The following CHD3 variants were observed in gnomAD, a reference collection of about 807,000 sequenced individuals.
CHD3 encodes the protein chromodomain helicase DNA binding protein 3, also known as ATP-dependent chromatin remodeler CHD3.
A neutral mutation model predicts 248.9 loss-of-function variants in CHD3; 52 were observed. That is an observed-to-expected ratio of 0.21 (90% confidence interval 0.17 to 0.26). The LOEUF is 0.26. Among genes scored for constraint, CHD3 ranks in the 10% least tolerant of loss-of-function variants. The pLI, the probability that CHD3 is intolerant of heterozygous loss-of-function variation, is 1.00. For synonymous variants in CHD3, 985 were observed against 985.2 expected (o/e 1.00, Z 0.00); for missense variants, 1,482 against 2,605.8 (o/e 0.57, Z 9.39).
At position 7,907,822 on chromosome 17, in the gene CHD3, T is replaced by G. The variant is rs1250740697; in HGVS notation, c.5027-72T>G. On this transcript the variant is annotated intron_variant, in intron 33 of 39. Coordinates refer to ENST00000330494, the MANE Select transcript of CHD3 (RefSeq NM_001005273.3). The surrounding 1 kb of genome is among the most constrained non-coding windows in gnomAD (Gnocchi z 4.3). ...TGTTTGAAAGGCCAGTACAGTACAG[T>G]ACAGATAGTAGTCTTGGGACCTGGG... 5 of 1,563,050 alleles carry G rather than the reference T, an allele frequency of 3.2e-6. No individual in the cohort carries two copies. The African/African-American group carries it at 4.1e-5, about 13-fold the overall frequency.
In CHD3 at chr17:7,906,904, A is replaced by G; in HGVS notation, c.4539A>G (p.Ser1513=). Reference sequence around the variant, plus strand: ...TTGAGCACATCAATGGGCGTTGGTCAATGCCGGAACTGATGCCTGACCCCA... The same window carrying G: ...TTGAGCACATCAATGGGCGTTGGTCGATGCCGGAACTGATGCCTGACCCCA... ...QEFEHINGRW[S]MPELMPDPSA... Residue 1513 remains serine, a synonymous_variant, in exon 30 of 40, where the codon TCA becomes TCG. Coordinates refer to ENST00000330494, the MANE Select transcript of CHD3 (RefSeq NM_001005273.3). This position sits in a 1 kb window ranked among gnomAD's most constrained non-coding sequence, Gnocchi z 5.0. 1 of 1,614,090 alleles carries G rather than the reference A, an allele frequency of 6.2e-7. No individual in the cohort carries two copies.
Position 7,893,456 on chromosome 17 carries a change from C to T in CHD3, c.680C>T (p.Ala227Val), listed in dbSNP as rs1969167624. The change falls in exon 5 of 40, where the codon GCT becomes GTT. Residue 227 changes from alanine (A) to valine (V), a missense_variant. Coordinates refer to ENST00000330494, the MANE Select transcript of CHD3 (RefSeq NM_001005273.3). The stretch of plus-strand genomic sequence containing the variant: ...GCTGTAGCTGAGCAGGTGTCAGCTG[C>T]TGTCTCGTCGGCCACCCCCATAGCA... ...AAAVAEQVSA[A>V]VSSATPIAPS... 1.9e-6 allele frequency: 3 copies of T among 1,611,350 alleles called. No individual in the cohort carries two copies.
chr17:7,887,944 C>T (rs1397461585), upstream of CHD3, among the ~76,000 whole-genome samples: 1 of 152,242 alleles, frequency 6.6e-6, no homozygotes, highest in Admixed American at 6.5e-5. Context: ...GGGAACCTCC[C>T]GCTGGGGTGG....
intron 20 of CHD3, among the ~76,000 whole-genome samples, chr17:7,902,248 C>A (rs1014960991): frequency 1.3e-5 from 2 of 151,702 alleles, no homozygotes; most frequent in African/African-American, 2.4e-5. Flanking sequence ...ATGGTGAAAC[C>A]CTGTCTCTAC....
Position 7,904,335 on chromosome 17 carries a change from G to T in CHD3, c.3895-107G>T. 2.9e-6 allele frequency: 3 copies of T among 1,033,514 alleles called. No homozygotes were observed. The highest frequency in any genetic ancestry group is 4.3e-6 in the Non-Finnish European group (3 of 690,122). The allele number at this position is 1,033,514 out of a possible 1,614,324, so 64.0% of individuals were successfully genotyped here. A position where few individuals can be genotyped will look rare whatever the true frequency, so the allele number is the denominator to read the frequency against. ...TATGCAGAGCCACGAAGCTGCAGGA[G>T]TGGGGAGACCGGATTGGGCTGACGC... On this transcript the variant is annotated intron_variant, in intron 24 of 39. Coordinates refer to ENST00000330494, the MANE Select transcript of CHD3 (RefSeq NM_001005273.3). The surrounding 1 kb of genome is among the most constrained non-coding windows in gnomAD (Gnocchi z 4.4).
Position 7,906,530 on chromosome 17 carries a change from C to T in CHD3, c.4359-23C>T. 1.2e-6 allele frequency: 2 copies of T among 1,613,364 alleles called. No individual in the cohort carries two copies. The highest frequency in any genetic ancestry group is 1.7e-4 in the Middle Eastern group (1 of 5,730). ...CCCCTTCTGTGGCTCCCCTAACCCT[C>T]CTCCCACTCCCATGCTCCTTAGGGC... On this transcript the variant is annotated intron_variant, in intron 28 of 39. Transcript: ENST00000330494. The surrounding 1 kb of genome is among the most constrained non-coding windows in gnomAD (Gnocchi z 5.0).
chr17:7,894,011 T>G (rs1033780112), intron 6 of CHD3, 76 bp downstream of exon 6: 1 of 1,575,874 alleles, frequency 6.3e-7, no homozygotes, highest in Non-Finnish European at 8.6e-7. Flanking sequence ...GGGCCAAGGA[T>G]CCAGAGACAG....
Position 7,890,554 on chromosome 17 carries a change from T to C in CHD3, c.214-17T>C. 1 of 1,529,350 alleles carries C rather than the reference T, an allele frequency of 6.5e-7. No homozygotes were observed. The highest frequency in any genetic ancestry group is 8.8e-7 in the Non-Finnish European group (1 of 1,135,654). The allele number at this position is 1,529,350 out of a possible 1,614,324, so 94.7% of individuals were successfully genotyped here. On this transcript the variant is annotated splice_polypyrimidine_tract_variant and intron_variant, in intron 2 of 39. Transcript: ENST00000330494. ...TGGTAGGGATGAATAAATGTTATTTTTATTTCTTTCTCTTAGGACAGTGAG... is the reference window on the plus strand; with the variant it reads ...TGGTAGGGATGAATAAATGTTATTTCTATTTCTTTCTCTTAGGACAGTGAG...
Position 7,900,787 on chromosome 17 carries a change from C to T in CHD3, c.2978+56C>T. ...GGCTTGGGGATTGATGGGAGCGTTC[C>T]AAGTGCAATATCATAATTGCTTCCT... On this transcript the variant is annotated intron_variant, in intron 18 of 39. Transcript: ENST00000330494. This position sits in a 1 kb window ranked among gnomAD's most constrained non-coding sequence, Gnocchi z 6.5. 1 of 1,609,994 alleles carries T rather than the reference C, an allele frequency of 6.2e-7. No homozygotes were observed. The highest frequency in any genetic ancestry group is 8.5e-7 in the Non-Finnish European group (1 of 1,176,780).
chr17:7,907,747 A>G lies in CHD3; in HGVS notation c.5026+45A>G. 6.6e-7 allele frequency: 1 copy of G among 1,510,282 alleles called. No homozygotes were observed. The highest frequency in any genetic ancestry group is 8.8e-7 in the Non-Finnish European group (1 of 1,130,860). 93.6% of individuals were successfully genotyped at this position (1,510,282 alleles called of 1,614,324 possible). On this transcript the variant is annotated intron_variant, in intron 33 of 39. Transcript: ENST00000330494. This position sits in a 1 kb window ranked among gnomAD's most constrained non-coding sequence, Gnocchi z 4.3. ...GGACACCTGGGTCCCAGAGGGCATC[A>G]GGGGAGGTGGAGTCTGGGGAACCGA...
chr17:7,885,301 C>CGCCGCCGCCGCCGCCGCCGCCGCCG (rs1967645649), upstream of CHD3: 2 of 137,520 alleles, frequency 1.5e-5, no homozygotes, highest in South Asian at 2.4e-4. Context: ...CCCGCCGCAC[C>CGCCGCCGCCGCCGCCGCCGCCGCCG]CCTCCCCCGC....
At chr17:7,894,378 C>A in intron 7 of CHD3, 37 bp from the exon 8 acceptor site, 1 of 1,593,840 alleles carries the variant, frequency 6.3e-7, no homozygotes, top group South Asian at 1.1e-5. Flanking sequence ...TCTCCCCCTG[C>A]CCTGCTTCCT....
rs1029271561 is a variant in CHD3, at chr17:7,894,348, C to G, written c.1076-67C>G. On this transcript the variant is annotated intron_variant, in intron 7 of 39. Coordinates refer to ENST00000330494, the MANE Select transcript of CHD3 (RefSeq NM_001005273.3). The stretch of plus-strand genomic sequence containing the variant: ...TCAATTTTGACTTCTCTCTTCAACC[C>G]TTCTCCCTCTCTCTCTCCATCTCCC... 3.8e-6 allele frequency: 6 copies of G among 1,589,102 alleles called. No homozygotes were observed. The African/African-American group carries it at 5.4e-5, about 14-fold the overall frequency.
At position 7,905,132 on chromosome 17, in the gene CHD3, G is replaced by T; in HGVS notation, c.4105G>T (p.Glu1369Ter). The change falls in exon 26 of 40, where the codon GAG becomes TAG. Residue 1369 changes from glutamate (E) to a stop codon, truncating the protein, a stop_gained. Coordinates refer to ENST00000330494, the MANE Select transcript of CHD3 (RefSeq NM_001005273.3). LOFTEE classifies it high-confidence loss of function. The surrounding 1 kb of genome is among the most constrained non-coding windows in gnomAD (Gnocchi z 5.8). The part of the protein sequence containing the change: ...NQSEYSVGSE[E>*]EDEDFDERPE... ...GTCAGAGTACTCGGTGGGTTCAGAG[G>T]AGGAGGATGAAGACTTCGATGAACG... 6.2e-7 allele frequency: 1 copy of T among 1,614,210 alleles called. No homozygotes were observed. Among genetic ancestry groups the T allele is most frequent in the Non-Finnish European group, 8.5e-7 (1 of 1,180,020 alleles).
In CHD3 at chr17:7,897,059, T is replaced by TC; in HGVS notation, c.1708-21dup. ...TCTGTGAGTGTCAGGACTATCTCTTTCCCTTTTTTCTGTGCCCTGCTAGCT... is the reference window on the plus strand; with the variant it reads ...TCTGTGAGTGTCAGGACTATCTCTTTCCCCTTTTTTCTGTGCCCTGCTAGCT... On this transcript the variant is annotated intron_variant, in intron 10 of 39. Coordinates refer to ENST00000330494, the MANE Select transcript of CHD3 (RefSeq NM_001005273.3). The surrounding 1 kb of genome is among the most constrained non-coding windows in gnomAD (Gnocchi z 4.8). 6.2e-7 allele frequency: 1 copy of TC among 1,603,896 alleles called. No homozygotes were observed. Among genetic ancestry groups the TC allele is most frequent in the Non-Finnish European group, 8.5e-7 (1 of 1,170,704 alleles).
Position 7,889,438 on chromosome 17 carries a change from G to C in CHD3, c.101-226G>C, listed in dbSNP as rs1158228714. 6.6e-6 allele frequency among the ~76,000 whole-genome samples: 1 copy of C among 152,198 alleles called. No homozygotes were observed. The highest frequency in any genetic ancestry group is 2.4e-5 in the African/African-American group (1 of 41,456). On this transcript the variant is annotated intron_variant, in intron 1 of 39. Coordinates refer to ENST00000330494, the MANE Select transcript of CHD3 (RefSeq NM_001005273.3). The surrounding 1 kb of genome is among the most constrained non-coding windows in gnomAD (Gnocchi z 4.5). ...TTAGTAGGAGGGGAGGGAGGGGAGT[G>C]GTTTGGCTGCTCTTCTCTTCTGACC...
In CHD3 at chr17:7,911,419, A is replaced by G. The variant is rs371191838; in HGVS notation, c.5882-45A>G. On this transcript the variant is annotated intron_variant, in intron 39 of 39. Transcript: ENST00000330494. The surrounding 1 kb of genome is among the most constrained non-coding windows in gnomAD (Gnocchi z 5.4). ...CACCATTGTCATGAAGTGACGTTTG[A>G]GAGTGATCTGGAGATTGATCTTTCC... The G allele has an allele frequency of 6.2e-7, 1 of 1,613,644 alleles. No individual in the cohort carries two copies. Among genetic ancestry groups the G allele is most frequent in the African/African-American group, 1.3e-5 (1 of 74,936 alleles).
chr17:7,901,431 T>C, intron 20 of CHD3, 56 bp downstream of exon 20: 5 of 1,447,786 alleles, frequency 3.5e-6, no homozygotes, highest in Non-Finnish European at 3.7e-6. Context: ...CTCCTCATCC[T>C]CCAGACTTTA....
In CHD3 at chr17:7,901,509, T is replaced by G. The variant is rs1041152967; in HGVS notation, c.3252+134T>G. On this transcript the variant is annotated intron_variant, in intron 20 of 39. Transcript: ENST00000330494. Reference sequence around the variant, plus strand: ...AGGAGATTCCTCCTGTAAGAGTTTTTTTTTTTTTTTTTTTTTTTGAGACAG... The same window carrying G: ...AGGAGATTCCTCCTGTAAGAGTTTTGTTTTTTTTTTTTTTTTTTGAGACAG... The G allele has an allele frequency of 2.6e-5, 18 of 680,200 alleles. No homozygotes were observed. The South Asian group carries it at 5.8e-4, about 22-fold the overall frequency. The allele number at this position is 680,200 out of a possible 1,614,324, so 42.1% of individuals were successfully genotyped here. A position where few individuals can be genotyped will look rare whatever the true frequency, so the allele number is the denominator to read the frequency against.
Sources: gnomAD v4.1 joint callset for allele counts (sites outside exome capture counted in the v4.1 genomes callset) on GRCh38, gnomAD v4.1.1 for gene constraint, Gnocchi (gnomAD v3.1) non-coding constraint, MANE v1.5 for transcripts, NCBI Gene and HGNC (gene_info 2026-07-23, HGNC 2026-07-21) for gene names.